Variants in PALLD observed in about 807,000 individuals in gnomAD.
PALLD encodes the protein palladin.
Under a neutral mutation model 123.5 loss-of-function variants are expected in PALLD, and 61 were observed. The observed-to-expected ratio is 0.49, with a 90% confidence interval of 0.40 to 0.61. The LOEUF (loss-of-function observed/expected upper bound fraction) is 0.61, where lower values mean the gene tolerates loss of function less well. PALLD is among the 20% of genes least tolerant of loss of function. PALLD has a pLI of 0.00. For missense variants in PALLD, 1,273 were observed against 1,377.0 expected, an observed-to-expected ratio of 0.92 and a Z score of 1.20; for synonymous variants, 465 against 496.4, an observed-to-expected ratio of 0.94 and a Z score of 0.84.
intron 10 of PALLD, among the ~76,000 whole-genome samples, chr4:168,847,042 C>G (rs1286119559): frequency 1.3e-5 from 2 of 152,150 alleles, no homozygotes; most frequent in Non-Finnish European, 2.9e-5. Context: ...GCCATTCCAG[C>G]TTTTAAGGCT....
chr4:168,813,108 G>T (rs573763918), intron 10 of PALLD, among the ~76,000 whole-genome samples: 3 of 151,604 alleles, frequency 2.0e-5, no homozygotes, highest in Admixed American at 1.3e-4. Flanking sequence ...GTACTTTTGG[G>T]GGGGGCGGAA....
intron 8 of PALLD, among the ~76,000 whole-genome samples, chr4:168,696,880 C>G (rs561981900): frequency 6.6e-6 from 1 of 152,054 alleles, no homozygotes; most frequent in Non-Finnish European, 1.5e-5. Context: ...AAGAAAGAAG[C>G]GGCGAGAGAC....
intron 8 of PALLD, among the ~76,000 whole-genome samples, chr4:168,706,643 A>C (rs1375183397): frequency 2.6e-5 from 4 of 152,196 alleles, no homozygotes; most frequent in African/African-American, 9.7e-5. Context: ...AGAAATGGGG[A>C]AAAGGAAAGG....
intron 10 of PALLD, among the ~76,000 whole-genome samples, chr4:168,874,892 G>A (rs1209064963): frequency 2.0e-5 from 3 of 152,020 alleles, no homozygotes; most frequent in Admixed American, 6.6e-5. Flanking sequence ...GTGGGGAATC[G>A]CTTAGATTTT....
intron 10 of PALLD, among the ~76,000 whole-genome samples, chr4:168,890,652 T>TA (rs896069520): frequency 6.6e-6 from 1 of 152,038 alleles, no homozygotes; most frequent in African/African-American, 2.4e-5. Flanking sequence ...CGCTAAGACT[T>TA]AAATGTAGGC....
chr4:168,750,952 A>T (rs1363473379), intron 10 of PALLD, among the ~76,000 whole-genome samples: 2 of 151,568 alleles, frequency 1.3e-5, no homozygotes, highest in African/African-American at 4.9e-5. Context: ...CAGCAAACAG[A>T]TGTTACATTC....
intron 1 of PALLD, among the ~76,000 whole-genome samples, chr4:168,498,643 A>G (rs1159483310): frequency 6.6e-6 from 1 of 152,222 alleles, no homozygotes; most frequent in East Asian, 1.9e-4. Flanking sequence ...AGAGTTAATG[A>G]CTGTGTCCCG....
chr4:168,709,169 T>A, intron 9 of PALLD, 22 bp downstream of exon 9: 1 of 1,612,460 alleles, frequency 6.2e-7, no homozygotes, highest in Non-Finnish European at 8.5e-7. Flanking sequence ...GTAAAAAAAA[T>A]GACTGGGTTC....
At position 168,928,250 on chromosome 4, in the gene PALLD, G is replaced by C. The variant is rs886059217; in HGVS notation, c.*2070G>C. ...TATGTCTTACTTGCCAAATTTTTCT[G>C]AATGTGACCTTTTTTTGCTGATTTG... On this transcript the variant is annotated 3_prime_UTR_variant, in exon 22 of 22. Coordinates refer to ENST00000505667, the MANE Select transcript of PALLD (RefSeq NM_001166108.2). 14 of 182,912 alleles carry C rather than the reference G, an allele frequency of 7.7e-5. No individual in the cohort carries two copies. Among genetic ancestry groups the C allele is most frequent in the Middle Eastern group, 3.9e-3 (2 of 516 alleles). 11.3% of individuals were successfully genotyped at this position (182,912 alleles called of 1,614,324 possible).
rs927564800 is a variant in PALLD at position 168,825,782 on chromosome 4, T to C, written c.1965-65140T>C. Among the ~76,000 whole-genome samples, 80 of 152,272 alleles carry C rather than the reference T, an allele frequency of 5.3e-4. 1 individual carries two copies. Among genetic ancestry groups the C allele is most frequent in the Non-Finnish European group, 4.4e-5 (3 of 68,026 alleles). On this transcript the variant is annotated intron_variant, in intron 10 of 21. Coordinates refer to ENST00000505667, the MANE Select transcript of PALLD (RefSeq NM_001166108.2). ...ATGGAATCATGGCTGATCTGGGTGT[T>C]TTCTAAGCACCCTGGAAATCTACAT...
intron 10 of PALLD, among the ~76,000 whole-genome samples, chr4:168,785,843 A>C (rs2150574862): frequency 1.2e-5 from 1 of 86,104 alleles, no homozygotes; most frequent in Non-Finnish European, 2.4e-5. Context: ...AATAAACTGT[A>C]GAGATATATA....
At chr4:168,736,959 G>A (rs1787822800) in intron 10 of PALLD, among the ~76,000 whole-genome samples, 1 of 152,180 alleles carries the variant, frequency 6.6e-6, no homozygotes, top group Non-Finnish European at 1.5e-5. Context: ...AGCTTAACGT[G>A]ATTGTCTACA....
chr4:168,901,217 A>C (rs1302820475), intron 14 of PALLD, among the ~76,000 whole-genome samples: 1 of 152,218 alleles, frequency 6.6e-6, no homozygotes, highest in Non-Finnish European at 1.5e-5. Context: ...TAGGATTGTT[A>C]AAGTATGGAA....
chr4:168,673,888 C>CTGTGTGTGTGTGTGTGTGTGTG (rs34043206), intron 3 of PALLD, among the ~76,000 whole-genome samples: 1 of 146,288 alleles, frequency 6.8e-6, no homozygotes, highest in Non-Finnish European at 1.5e-5. Context: ...TTTGAACGTG[C>CTGTGTGTGTGTGTGTGTGTGTG]TGTGTGTGTG....
chr4:168,592,153 A>C (rs141871602), intron 2 of PALLD, among the ~76,000 whole-genome samples: 56 of 151,714 alleles, frequency 3.7e-4, no homozygotes, highest in African/African-American at 1.3e-3. Context: ...AGTAGCTGGG[A>C]TTACAGGTGC....
chr4:168,722,462 A>G (rs2150267101), intron 10 of PALLD, among the ~76,000 whole-genome samples: 1 of 152,368 alleles, frequency 6.6e-6, no homozygotes. Context: ...GAAAAGATGC[A>G]ATGAAGGCAA....
intron 10 of PALLD, among the ~76,000 whole-genome samples, chr4:168,835,368 G>A (rs546917771): frequency 8.5e-5 from 13 of 152,094 alleles, no homozygotes; most frequent in South Asian, 2.1e-4. Context: ...GCACTAAAGC[G>A]TTCTTTGAAA....
intron 8 of PALLD, among the ~76,000 whole-genome samples, chr4:168,694,234 A>C (rs1178694834): frequency 6.6e-6 from 1 of 152,236 alleles, no homozygotes; most frequent in Non-Finnish European, 1.5e-5. Flanking sequence ...GTTAAGTGGA[A>C]GGAAGAAAAA....
Position 168,924,346 on chromosome 4 carries a change from A to G in PALLD, c.3150A>G (p.Val1050=), listed in dbSNP as rs781516286. 8.7e-6 allele frequency: 14 copies of G among 1,613,980 alleles called. No individual in the cohort carries two copies. The East Asian group carries it at 3.1e-4, about 36-fold the overall frequency. ...DGYPVRLECR[V]LGVPPPQIFW... is the part of the protein sequence containing the mutation. ...ACCCAGTGCGGCTGGAATGTCGTGT[A>G]TTGGGAGTGCCACCACCTCAGATAT... Residue 1050 remains valine (V), a synonymous_variant, in exon 19 of 22, where the codon GTA becomes GTG. Coordinates refer to ENST00000505667, the MANE Select transcript of PALLD (RefSeq NM_001166108.2).
Sources: allele counts gnomAD v4.1 joint callset (sites outside exome capture counted in the v4.1 genomes callset), GRCh38; gene constraint gnomAD v4.1.1; transcripts MANE v1.5; gene names NCBI Gene and HGNC (gene_info 2026-07-23, HGNC 2026-07-21).